Variants in RALYL observed in about 807,000 individuals in gnomAD.
The protein encoded by RALYL is RNA-binding Raly-like protein.
A neutral mutation model predicts 35.1 loss-of-function variants in RALYL; 29 were observed. That is an observed-to-expected ratio of 0.83 (90% CI 0.61 to 1.13). The LOEUF is 1.13. Among genes scored for constraint, RALYL ranks in the 50% most tolerant of loss-of-function variants. RALYL has a pLI of 0.00. For missense variants in RALYL, 359 were observed against 360.4 expected (o/e 1.00, Z 0.03); for synonymous variants, 120 against 127.6 (o/e 0.94, Z 0.40).
chr8:84,495,357 G>T (rs901557166), intron 1 of RALYL, among the ~76,000 whole-genome samples: 1 of 152,034 alleles, frequency 6.6e-6, no homozygotes, highest in Non-Finnish European at 1.5e-5. Flanking sequence ...GTGTCAGAGG[G>T]CGTAAAATAC....
In RALYL at chr8:84,437,084, C is replaced by A. The variant is rs368317781; in HGVS notation, c.-23-92215C>A. Among the ~76,000 whole-genome samples the A allele has an allele frequency of 4.6e-5, 7 of 152,048 alleles. No homozygotes were observed. The East Asian group carries it at 9.7e-4, about 21-fold the overall frequency. On this transcript the variant is annotated intron_variant, in intron 1 of 8. Transcript: ENST00000521268. ...CTGCCATTTTTATGTCCATGTGTGT[C>A]CAATGTTTAGCTCTTACTTGTAAAT... is the stretch of plus-strand genomic sequence containing the variant.
chr8:84,301,921 A>T (rs922452243), intron 1 of RALYL, among the ~76,000 whole-genome samples: 8 of 152,132 alleles, frequency 5.3e-5, no homozygotes, highest in African/African-American at 1.9e-4. Context: ...AATTTGGAAA[A>T]TGTGTCTTTT....
intron 1 of RALYL, among the ~76,000 whole-genome samples, chr8:84,335,709 CTTTTTTTTT>C (rs548185561): frequency 1.2e-5 from 1 of 85,216 alleles, no homozygotes; most frequent in African/African-American, 5.8e-5. Flanking sequence ...GTTTTCTTAC[CTTTTTTTTT>C]TTTTTTTTTT....
At chr8:84,705,891 T>A in intron 2 of RALYL, 1 of 1,466,514 alleles carries the variant, frequency 6.8e-7, no homozygotes, top group East Asian at 2.5e-5. Flanking sequence ...GGTATTACCC[T>A]GGCTTTCACT....
At chr8:84,232,331 A>T (rs1825565441) in intron 1 of RALYL, among the ~76,000 whole-genome samples, 1 of 152,186 alleles carries the variant, frequency 6.6e-6, no homozygotes, top group Non-Finnish European at 1.5e-5. Flanking sequence ...GTTCAACACA[A>T]GTGAGAGATG....
intron 1 of RALYL, among the ~76,000 whole-genome samples, chr8:84,202,208 A>G (rs13279783): frequency 7.4e-6 from 1 of 134,526 alleles, no homozygotes; most frequent in African/African-American, 3.3e-5. Context: ...TTTTTGGTTT[A>G]AAAAAAAAAA....
chr8:84,777,424 T>C (rs923359610), intron 3 of RALYL, among the ~76,000 whole-genome samples: 5 of 152,158 alleles, frequency 3.3e-5, no homozygotes, highest in African/African-American at 1.2e-4. Flanking sequence ...AAAACAGATA[T>C]ACCACCTATC....
intron 2 of RALYL, among the ~76,000 whole-genome samples, chr8:84,667,719 C>A (rs935344957): frequency 6.6e-6 from 1 of 152,022 alleles, no homozygotes. Context: ...TTAGACTTGA[C>A]CCCGGTCATC....
At chr8:84,197,666 C>T (rs912206775) in intron 1 of RALYL, among the ~76,000 whole-genome samples, 4 of 151,792 alleles carry the variant, frequency 2.6e-5, no homozygotes, top group Non-Finnish European at 1.5e-5. Context: ...CGGTGGCTCA[C>T]GCCTGTAATC....
intron 1 of RALYL, among the ~76,000 whole-genome samples, chr8:84,260,939 G>A (rs1378605344): frequency 6.6e-6 from 1 of 152,038 alleles, no homozygotes; most frequent in African/African-American, 2.4e-5. Context: ...TTGTAATTTT[G>A]AGTGTGATAA....
intron 2 of RALYL, among the ~76,000 whole-genome samples, chr8:84,675,789 T>C (rs549422287): frequency 4.1e-4 from 63 of 152,272 alleles, no homozygotes; most frequent in African/African-American, 1.4e-3. Context: ...CTCCACCATG[T>C]ATATTATTCA....
intron 2 of RALYL, among the ~76,000 whole-genome samples, chr8:84,717,930 A>G (rs1589170336): frequency 1.3e-5 from 2 of 152,266 alleles, no homozygotes; most frequent in African/African-American, 4.8e-5. Context: ...TATCATTGCC[A>G]TATTTATGTG....
rs541524221 is a variant in RALYL, at chr8:84,630,124, C to T, written c.256+100547C>T. 7.7e-4 allele frequency among the ~76,000 whole-genome samples: 117 copies of T among 151,856 alleles called. 1 individual carries two copies. In the Middle Eastern group the frequency reaches 0.014, roughly 18 times the overall value. ...TTTTTTCCAGCTAAGATTAGCACAA[C>T]AAATGACAAAAATAATATTAAAAAC... On this transcript the variant is annotated intron_variant, in intron 2 of 8. Coordinates refer to ENST00000521268, the MANE Select transcript of RALYL (RefSeq NM_173848.7).
At chr8:84,818,282 T>C (rs148288773) in intron 4 of RALYL, among the ~76,000 whole-genome samples, 8 of 152,312 alleles carry the variant, frequency 5.3e-5, no homozygotes, top group African/African-American at 1.9e-4. Flanking sequence ...GGATGGTTGG[T>C]AGCAGAACAC....
At chr8:84,261,230 G>A in intron 1 of RALYL, among the ~76,000 whole-genome samples, 1 of 151,858 alleles carries the variant, frequency 6.6e-6, no homozygotes, top group Admixed American at 6.6e-5. Flanking sequence ...ATCATGAATT[G>A]CATTTGCTTT....
chr8:84,694,036 G>T (rs944565417), intron 2 of RALYL, among the ~76,000 whole-genome samples: 32 of 151,830 alleles, frequency 2.1e-4, no homozygotes, highest in African/African-American at 6.5e-4. Flanking sequence ...AAAGTTGAAA[G>T]TTCTTCTATG....
rs1490606392 is a variant in RALYL at position 84,367,310 on chromosome 8, ATTTTTGTATTTTTTTTT to A, written c.-23-161983_-23-161967del. Among the ~76,000 whole-genome samples the A allele has an allele frequency of 8.4e-5, 6 of 71,088 alleles. 1 individual carries two copies. Among genetic ancestry groups the A allele is most frequent in the Non-Finnish European group, 1.5e-4 (5 of 34,258 alleles). 46.6% of individuals were successfully genotyped at this position (71,088 alleles called of 152,430 possible). The stretch of plus-strand genomic sequence containing the variant: ...AAGTGCCTGCCATCCTGCCCAACTA[ATTTTTGTATTTTTTTTT>A]TTTTTTTTTTTTTTTTTTTTTTTTT... On this transcript the variant is annotated intron_variant, in intron 1 of 8. Coordinates refer to ENST00000521268, the MANE Select transcript of RALYL (RefSeq NM_173848.7).
At chr8:84,407,016 C>CTA (rs1478815038) in intron 1 of RALYL, among the ~76,000 whole-genome samples, 16 of 142,410 alleles carry the variant, frequency 1.1e-4, no homozygotes, top group African/African-American at 4.0e-4. Context: ...CTCTCTCTCT[C>CTA]TCTATATATA....
At chr8:84,470,054 A>G (rs571465173) in intron 1 of RALYL, among the ~76,000 whole-genome samples, 1 of 152,252 alleles carries the variant, frequency 6.6e-6, no homozygotes, top group Admixed American at 6.5e-5. Context: ...CTTCCTAGTG[A>G]GATGCACCCG....
Sources: gnomAD v4.1 joint callset for allele counts (sites outside exome capture counted in the v4.1 genomes callset) on GRCh38, gnomAD v4.1.1 for gene constraint, MANE v1.5 for transcripts, NCBI Gene and HGNC (gene_info 2026-07-23, HGNC 2026-07-21) for gene names.